KCNQ5: variants seen among roughly 807,000 people sequenced by gnomAD.
KCNQ5 encodes the protein potassium voltage-gated channel subfamily KQT member 5.
In KCNQ5, 30 loss-of-function variants were observed where a neutral mutation model predicts 98.2. That is an observed-to-expected ratio of 0.31 (90% confidence interval 0.23 to 0.41). The LOEUF is 0.41. Among genes scored for constraint, KCNQ5 ranks in the 10% least tolerant of loss-of-function variants. The pLI, the probability that KCNQ5 is intolerant of heterozygous loss-of-function variation, is 1.00. For missense variants in KCNQ5, 835 were observed against 1,182.5 expected, an observed-to-expected ratio of 0.71 and a Z score of 4.31; for synonymous variants, 458 against 449.4, an observed-to-expected ratio of 1.02 and a Z score of -0.24.
chr6:73,126,066 GA>G (rs1775978525), intron 9 of KCNQ5, among the ~76,000 whole-genome samples: 1 of 152,062 alleles, frequency 6.6e-6, no homozygotes, highest in Non-Finnish European at 1.5e-5. Flanking sequence ...AATTTTACTT[GA>G]AAAAAGTTAC....
intron 2 of KCNQ5, among the ~76,000 whole-genome samples, chr6:73,026,537 T>C (rs1178726470): frequency 6.6e-6 from 1 of 152,200 alleles, no homozygotes; most frequent in Non-Finnish European, 1.5e-5. Context: ...CATCCTCTTT[T>C]ATCACTCTCT....
intron 1 of KCNQ5, among the ~76,000 whole-genome samples, chr6:72,648,280 C>T (rs1012577717): frequency 6.6e-5 from 10 of 152,074 alleles, no homozygotes; most frequent in East Asian, 3.9e-4. Context: ...CATGGAACAT[C>T]GTGCAGTGGG....
At chr6:73,154,635 T>C (rs1777282514) in intron 10 of KCNQ5, among the ~76,000 whole-genome samples, 2 of 152,198 alleles carry the variant, frequency 1.3e-5, no homozygotes, top group South Asian at 2.1e-4. Context: ...GAATTTAAAG[T>C]GGGCTTACAG....
At chr6:73,081,929 C>T (rs1773792115) in intron 5 of KCNQ5, among the ~76,000 whole-genome samples, 1 of 152,112 alleles carries the variant, frequency 6.6e-6, no homozygotes, top group African/African-American at 2.4e-5. Context: ...CGAAGGTGCC[C>T]CCACTCCACC....
intron 1 of KCNQ5, among the ~76,000 whole-genome samples, chr6:72,831,721 A>C (rs973580349): frequency 6.9e-6 from 1 of 144,198 alleles, no homozygotes; most frequent in African/African-American, 2.5e-5. Context: ...TAGAACTTAA[A>C]GTATAATTTA....
At chr6:73,000,706 T>C (rs913125705) in intron 1 of KCNQ5, among the ~76,000 whole-genome samples, 5 of 152,162 alleles carry the variant, frequency 3.3e-5, no homozygotes, top group African/African-American at 1.2e-4. Flanking sequence ...GTTTATTCCA[T>C]TCTCATTTCT....
At position 72,815,204 on chromosome 6, in the gene KCNQ5, A is replaced by G. The variant is rs541715460; in HGVS notation, c.399-188704A>G. 1.1e-4 allele frequency among the ~76,000 whole-genome samples: 17 copies of G among 152,282 alleles called. No individual in the cohort carries two copies. The East Asian group carries it at 3.3e-3, about 29-fold the overall frequency. On this transcript the variant is annotated intron_variant, in intron 1 of 13. Transcript: ENST00000370398. ...GGTGATACATAACATGTAGATGGGG[A>G]CTTTATAACCTCAGAACCTAACACA...
chr6:72,862,687 G>A (rs918456890), intron 1 of KCNQ5, among the ~76,000 whole-genome samples: 6 of 151,956 alleles, frequency 3.9e-5, no homozygotes, highest in Middle Eastern at 3.2e-3. Flanking sequence ...GAGTCCAGTG[G>A]TGCAATATTG....
At chr6:72,814,065 A>G (rs1187338449) in intron 1 of KCNQ5, among the ~76,000 whole-genome samples, 2 of 152,188 alleles carry the variant, frequency 1.3e-5, no homozygotes, top group East Asian at 3.9e-4. Flanking sequence ...GAGGGCAAGC[A>G]GGACTTCTAT....
chr6:73,135,303 C>T (rs1268824440), intron 10 of KCNQ5: 1 of 151,690 alleles, frequency 6.6e-6, no homozygotes, highest in Admixed American at 6.6e-5. Context: ...GTGGTGAGAT[C>T]ACAGTTATAT....
At chr6:72,951,892 A>G (rs1018387273) in intron 1 of KCNQ5, among the ~76,000 whole-genome samples, 1 of 152,182 alleles carries the variant, frequency 6.6e-6, no homozygotes, top group Non-Finnish European at 1.5e-5. Flanking sequence ...AAATCCATTA[A>G]ATTAAAAGAG....
Position 73,105,331 on chromosome 6 carries a change from T to C in KCNQ5, c.993T>C (p.Phe331=), listed in dbSNP as rs753118346. 13 of 1,612,966 alleles carry C rather than the reference T, an allele frequency of 8.1e-6. No homozygotes were observed. The highest frequency in any genetic ancestry group is 1.7e-5 in the Admixed American group (1 of 59,900). The change falls in exon 6 of 14, where the codon TTT becomes TTC. Residue 331 remains phenylalanine (F), a synonymous_variant. Transcript: ENST00000370398. Reference sequence around the variant, plus strand: ...TGGGAAGATTGCTTTCTGCAGGCTTTGCACTCCTTGGCATTTCTTTCTTTG... The same window carrying C: ...TGGGAAGATTGCTTTCTGCAGGCTTCGCACTCCTTGGCATTTCTTTCTTTG... The part of the protein sequence containing the change: ...TWLGRLLSAG[F]ALLGISFFAL...
At chr6:72,782,774 T>A (rs904487500) in intron 1 of KCNQ5, among the ~76,000 whole-genome samples, 1 of 152,176 alleles carries the variant, frequency 6.6e-6, no homozygotes, top group Non-Finnish European at 1.5e-5. Context: ...GTTTTCTTAT[T>A]TATTAATGTA....
At chr6:73,130,812 G>T (rs942441329) in intron 9 of KCNQ5, among the ~76,000 whole-genome samples, 9 of 152,122 alleles carry the variant, frequency 5.9e-5, no homozygotes, top group Admixed American at 5.2e-4. Context: ...CCTTGGAAAA[G>T]AAAATTTTGC....
chr6:72,946,390 G>T (rs1172299094), intron 1 of KCNQ5, among the ~76,000 whole-genome samples: 2 of 152,084 alleles, frequency 1.3e-5, no homozygotes, highest in East Asian at 3.8e-4. Flanking sequence ...ACCTTTTAAA[G>T]ACATCATCAT....
intron 3 of KCNQ5, among the ~76,000 whole-genome samples, chr6:73,053,153 G>A (rs555795544): frequency 2.6e-4 from 39 of 152,176 alleles, no homozygotes; most frequent in African/African-American, 8.4e-4. Context: ...ATAAAGAAAG[G>A]CATTACATAA....
rs140598309 is a variant in KCNQ5, at chr6:73,121,429, A to G, written c.1220+852A>G. On this transcript the variant is annotated intron_variant, in intron 8 of 13. Transcript: ENST00000370398. ...AATGTTAAATCATATTCACCACCTAATTAAAGAAGTCCTCATTGAAATACC... is the reference window on the plus strand; with the variant it reads ...AATGTTAAATCATATTCACCACCTAGTTAAAGAAGTCCTCATTGAAATACC... 4.8e-3 allele frequency among the ~76,000 whole-genome samples: 726 copies of G among 152,250 alleles called. 5 individuals are homozygous for G. The highest frequency in any genetic ancestry group is 7.6e-3 in the Non-Finnish European group (519 of 68,012).
At chr6:73,098,346 T>C (rs6927120) in intron 5 of KCNQ5, among the ~76,000 whole-genome samples, 33,691 of 151,956 alleles carry the variant, frequency 0.22, 8,544 homozygotes, top group African/African-American at 0.61. Context: ...AGAGAGAAAG[T>C]TTATTCAAAG....
chr6:73,070,769 C>T (rs995002200), intron 3 of KCNQ5, among the ~76,000 whole-genome samples: 2 of 152,180 alleles, frequency 1.3e-5, no homozygotes, highest in Non-Finnish European at 2.9e-5. Flanking sequence ...TTAGTCACCT[C>T]ATCTCACCCA....
Sources: gnomAD v4.1 joint callset for allele counts (sites outside exome capture counted in the v4.1 genomes callset) on GRCh38, gnomAD v4.1.1 for gene constraint, MANE v1.5 for transcripts, NCBI Gene and HGNC (gene_info 2026-07-23, HGNC 2026-07-21) for gene names.